Variants in CD163 observed in about 807,000 individuals in gnomAD.
The protein encoded by CD163 is scavenger receptor cysteine-rich type 1 protein M130.
Under a neutral mutation model 129.2 loss-of-function variants are expected in CD163, and 64 were observed. The observed-to-expected ratio is 0.50, with a 90% CI of 0.41 to 0.61. The LOEUF (loss-of-function observed/expected upper bound fraction) is 0.61, where lower values mean the gene tolerates loss of function less well. Among genes scored for constraint, CD163 ranks in the 20% least tolerant of loss-of-function variants. The pLI is 0.00. For synonymous variants in CD163, 446 were observed against 478.5 expected, an observed-to-expected ratio of 0.93 and a Z score of 0.89; for missense variants, 1,061 against 1,377.9, an observed-to-expected ratio of 0.77 and a Z score of 3.64.
chr12:7,501,473 G>A lies in CD163; in HGVS notation c.134-11C>T. ...CCTTGTCTGTTCCTCCTGCAACAAT[G>A]GATTAAGACAGTAATTGGCCAAGGT... On this transcript the variant is annotated splice_polypyrimidine_tract_variant and intron_variant, in intron 2 of 16. Transcript: ENST00000432237. The A allele has an allele frequency of 6.2e-7, 1 of 1,603,938 alleles. No homozygotes were observed. The highest frequency in any genetic ancestry group is 2.2e-5 in the East Asian group (1 of 44,714).
intron 4 of CD163, among the ~76,000 whole-genome samples, chr12:7,498,645 C>A (rs1481727318): frequency 1.3e-5 from 2 of 152,038 alleles, no homozygotes; most frequent in Non-Finnish European, 2.9e-5. Flanking sequence ...TTTCTTATGA[C>A]CTGGATCTCA....
In CD163 at chr12:7,485,333, C is replaced by A. The variant is rs1949232883; in HGVS notation, c.2542G>T (p.Gly848Cys). The A allele has an allele frequency of 1.2e-6, 2 of 1,614,090 alleles. No homozygotes were observed. The highest frequency in any genetic ancestry group is 1.7e-6 in the Non-Finnish European group (2 of 1,180,030). ...GACATGCTACTCTTGCCAACAGTGC[C>A]CCAAGCTCCATTGTAAAAAACTTCC... ...RLEVFYNGAWGTVGKSSMSET... is the reference protein window; with the variant it reads ...RLEVFYNGAWCTVGKSSMSET... Residue 848 changes from glycine (G) to cysteine (C), a missense_variant, in exon 11 of 17, where the codon GGC becomes TGC. Transcript: ENST00000432237. The surrounding 1 kb of genome is among the most constrained non-coding windows in gnomAD (Gnocchi z 4.5).
At chr12:7,477,663 C>T (rs1011837106) in intron 16 of CD163, among the ~76,000 whole-genome samples, 1 of 151,882 alleles carries the variant, frequency 6.6e-6, no homozygotes, top group African/African-American at 2.4e-5. Context: ...ACCTAGATGG[C>T]GGGTTGATAG....
chr12:7,481,943 G>A lies in CD163; in HGVS notation c.3248-687C>T, dbSNP rs1367298106. Reference sequence around the variant, plus strand: ...CCCAATTCTCTGAGCCTCTATGTTCGAAATTTGTCCCCAAGCCTCTTTGAA... The same window carrying A: ...CCCAATTCTCTGAGCCTCTATGTTCAAAATTTGTCCCCAAGCCTCTTTGAA... On this transcript the variant is annotated intron_variant, in intron 14 of 16. Coordinates refer to ENST00000432237, the MANE Select transcript of CD163 (RefSeq NM_203416.4). Among the ~76,000 whole-genome samples the A allele has an allele frequency of 2.6e-5, 4 of 151,994 alleles. No homozygotes were observed. The South Asian group carries it at 6.2e-4, about 24-fold the overall frequency.
chr12:7,476,737 T>C (rs1327427856), intron 16 of CD163, among the ~76,000 whole-genome samples: 1 of 152,090 alleles, frequency 6.6e-6, no homozygotes, highest in Non-Finnish European at 1.5e-5. Flanking sequence ...AATTGACAAA[T>C]GGGATCTAAT....
Position 7,496,118 on chromosome 12 carries a change from A to T in CD163, c.1099+695T>A, listed in dbSNP as rs933580738. 5.9e-5 allele frequency among the ~76,000 whole-genome samples: 9 copies of T among 152,228 alleles called. No individual in the cohort carries two copies. The highest frequency in any genetic ancestry group is 2.2e-4 in the African/African-American group (9 of 41,452). ...AGACTGGATAAAGAAAATGTGGTAC[A>T]TATACACCATGGAATACTACGCAGC... On this transcript the variant is annotated intron_variant, in intron 5 of 16. Coordinates refer to ENST00000432237, the MANE Select transcript of CD163 (RefSeq NM_203416.4). This position sits in a 1 kb window ranked among gnomAD's most constrained non-coding sequence, Gnocchi z 4.8.
rs1949238177 is a variant in CD163, at chr12:7,485,706, T to TCAG, written c.2459-291_2459-290insCTG. ...TTTTTCAGTTACATAGTTTGGATTT[T>TCAG]TTCCCAAAAATATTCTCCTTTTTTT... is the stretch of plus-strand genomic sequence containing the variant. On this transcript the variant is annotated intron_variant, in intron 10 of 16. Transcript: ENST00000432237. This position sits in a 1 kb window ranked among gnomAD's most constrained non-coding sequence, Gnocchi z 4.5. Among the ~76,000 whole-genome samples, 1 of 152,190 alleles carries TCAG rather than the reference T, an allele frequency of 6.6e-6. No individual in the cohort carries two copies. The highest frequency in any genetic ancestry group is 1.5e-5 in the Non-Finnish European group (1 of 68,040).
intron 11 of CD163, among the ~76,000 whole-genome samples, chr12:7,484,076 G>A (rs1373449867): frequency 6.6e-6 from 1 of 151,040 alleles, no homozygotes; most frequent in Non-Finnish European, 1.5e-5. Flanking sequence ...TCCTGACCTC[G>A]TGATCCGCCC....
In CD163 at chr12:7,485,182, C is replaced by T. The variant is rs868598009; in HGVS notation, c.2693G>A (p.Gly898Glu). The T allele has an allele frequency of 6.2e-7, 1 of 1,614,132 alleles. No homozygotes were observed. ...TGGGCACTGCCACAGCGTGTCAGGT[C>T]CTTTTGGACACTGAACATTGTCCAC... ...MWVDNVQCPK[G>E]PDTLWQCPSS... Residue 898 changes from glycine to glutamate, a missense_variant, in exon 11 of 17, where the codon GGA (glycine) becomes GAA (glutamate). Physicochemically the swap from Gly to Glu is moderately conservative, Grantham distance 98. Coordinates refer to ENST00000432237, the MANE Select transcript of CD163 (RefSeq NM_203416.4). This position sits in a 1 kb window ranked among gnomAD's most constrained non-coding sequence, Gnocchi z 4.5.
In CD163 at chr12:7,487,716, C is replaced by T. The variant is rs201986274; in HGVS notation, c.1736-43G>A. ...TTTAGAAAAAGACAGCTATGACTCC[C>T]TAACCCTGTCCCTTTCACAGTATGA... On this transcript the variant is annotated intron_variant, in intron 7 of 16. Coordinates refer to ENST00000432237, the MANE Select transcript of CD163 (RefSeq NM_203416.4). The surrounding 1 kb of genome is among the most constrained non-coding windows in gnomAD (Gnocchi z 5.1). The T allele has an allele frequency of 4.6e-4, 737 of 1,614,096 alleles. 6 individuals are homozygous for T. The highest frequency in any genetic ancestry group is 1.2e-4 in the Non-Finnish European group (145 of 1,180,012).
chr12:7,487,590 G>C lies in CD163; in HGVS notation c.1819C>G (p.Leu607Val), dbSNP rs780563575. Residue 607 changes from leucine (L) to valine (V), a missense_variant, in exon 8 of 17, where the codon CTC (leucine) becomes GTC (valine). Leu to Val is a conservative substitution (Grantham distance 32, BLOSUM62 1). Coordinates refer to ENST00000432237, the MANE Select transcript of CD163 (RefSeq NM_203416.4). This position sits in a 1 kb window ranked among gnomAD's most constrained non-coding sequence, Gnocchi z 5.1. ...ELKTLGAWGS[L>V]CNSHWDIEDA... The stretch of plus-strand genomic sequence containing the variant: ...TCTATGTCCCAGTGAGAGTTACAGA[G>C]GGATCCCCAGGCACCAAGCGTTTTG... The C allele has an allele frequency of 1.2e-6, 2 of 1,614,118 alleles. No homozygotes were observed. The highest frequency in any genetic ancestry group is 4.5e-5 in the East Asian group (2 of 44,868).
At chr12:7,490,571 T>G (rs1432203061) in intron 6 of CD163, among the ~76,000 whole-genome samples, 1 of 152,030 alleles carries the variant, frequency 6.6e-6, no homozygotes, top group African/African-American at 2.4e-5. Flanking sequence ...ATACCTGCTA[T>G]CAAATATCAA....
In CD163 at chr12:7,501,394, C is replaced by T. The variant is rs1186769569; in HGVS notation, c.202G>A (p.Val68Ile). The T allele has an allele frequency of 6.2e-7, 1 of 1,613,972 alleles. No homozygotes were observed. Among genetic ancestry groups the T allele is most frequent in the Admixed American group, 1.7e-5 (1 of 60,008 alleles). ...CACACCGTTCCCCACTCCTCCTGGA[C>T]TTTCACTTCCACTCTCCCGCTACAC... ...NKCSGRVEVK[V>I]QEEWGTVCNN... The change falls in exon 3 of 17, where the codon GTC (valine) becomes ATC (isoleucine). Residue 68 changes from valine (V) to isoleucine (I), a missense_variant. Coordinates refer to ENST00000432237, the MANE Select transcript of CD163 (RefSeq NM_203416.4).
chr12:7,480,104 T>A, intron 15 of CD163, 191 bp from the exon 16 acceptor site: 1 of 1,022,824 alleles, frequency 9.8e-7, no homozygotes. Flanking sequence ...AAGAAAAGCA[T>A]GTGTGATTTA....
intron 4 of CD163, among the ~76,000 whole-genome samples, chr12:7,498,285 G>T (rs75146641): frequency 6.6e-6 from 1 of 151,918 alleles, no homozygotes; most frequent in East Asian, 1.9e-4. Context: ...ACGAAGAGTG[G>T]TATCTCTGCA....
chr12:7,500,282 G>A (rs1240470328), intron 3 of CD163, among the ~76,000 whole-genome samples: 1 of 151,920 alleles, frequency 6.6e-6, no homozygotes, highest in Non-Finnish European at 1.5e-5. Context: ...TCAGCCAGGT[G>A]TGGTGGCAGG....
intron 1 of CD163, 102 bp from the exon 2 acceptor site, chr12:7,502,666 G>C (rs1329704048): frequency 1.4e-6 from 1 of 701,486 alleles, no homozygotes. Context: ...CTCAAACCAA[G>C]ACAGAAAACT....
At chr12:7,493,757 G>T (rs990782321) in intron 6 of CD163, among the ~76,000 whole-genome samples, 6 of 151,880 alleles carry the variant, frequency 4.0e-5, no homozygotes, top group Admixed American at 2.0e-4. Context: ...AATCTGAAGA[G>T]AATTATTAGA....
At position 7,471,383 on chromosome 12, in the gene CD163, A is replaced by G. The variant is rs1949000692; in HGVS notation, c.*46T>C. On this transcript the variant is annotated 3_prime_UTR_variant, in exon 17 of 17. Transcript: ENST00000432237. ...CAATAGTCCAGGTCTTCATCAAGGT[A>G]TCTTAAAGGCTGAACTAAAACCATA... 6.6e-6 allele frequency: 1 copy of G among 152,230 alleles called. No homozygotes were observed. The allele number at this position is 152,230 out of a possible 1,614,324, so 9.4% of individuals were successfully genotyped here.
Sources: gnomAD v4.1 joint callset for allele counts (sites outside exome capture counted in the v4.1 genomes callset) on GRCh38, gnomAD v4.1.1 for gene constraint, Gnocchi (gnomAD v3.1) non-coding constraint, MANE v1.5 for transcripts, NCBI Gene and HGNC (gene_info 2026-07-23, HGNC 2026-07-21) for gene names.